Variants in UBN2 observed in about 807,000 individuals in gnomAD.
The protein encoded by UBN2 is ubinuclein-2.
In UBN2, 35 loss-of-function variants were observed where a neutral mutation model predicts 120.2. That is an observed-to-expected ratio of 0.29 (90% CI 0.22 to 0.39). The LOEUF (loss-of-function observed/expected upper bound fraction) is 0.39, where lower values mean the gene tolerates loss of function less well. UBN2 is among the 10% of genes least tolerant of loss of function. The pLI is 1.00. For synonymous variants in UBN2, 661 were observed against 648.7 expected (o/e 1.02, Z -0.29); for missense variants, 1,693 against 1,663.2 (o/e 1.02, Z -0.31).
rs185649356 is a variant in UBN2 at position 139,272,590 on chromosome 7, G to A, written c.1715+150G>A. The stretch of plus-strand genomic sequence containing the variant: ...TGCCCAGGCTGGAGTGGAATGGTAC[G>A]ATTTCGGCTCAGTACAACCTCCGCC... On this transcript the variant is annotated intron_variant, in intron 9 of 17. Coordinates refer to ENST00000473989, the MANE Select transcript of UBN2 (RefSeq NM_173569.4). The A allele has an allele frequency of 9.2e-4, 548 of 596,328 alleles. 5 individuals are homozygous for A. Among genetic ancestry groups the A allele is most frequent in the Non-Finnish European group, 9.4e-5 (34 of 361,580 alleles). 36.9% of individuals were successfully genotyped at this position (596,328 alleles called of 1,614,324 possible). A position where few individuals can be genotyped will look rare whatever the true frequency, so the allele number is the denominator to read the frequency against.
At chr7:139,254,279 T>G (rs1038467451) in intron 3 of UBN2, among the ~76,000 whole-genome samples, 1 of 151,696 alleles carries the variant, frequency 6.6e-6, no homozygotes, top group African/African-American at 2.4e-5. Context: ...GGCAACAGAG[T>G]GAGACTCCGT....
rs182179365 is a variant in UBN2, at chr7:139,300,121, A to G, written c.*2285A>G. On this transcript the variant is annotated 3_prime_UTR_variant, in exon 18 of 18. Coordinates refer to ENST00000473989, the MANE Select transcript of UBN2 (RefSeq NM_173569.4). Reference sequence around the variant, plus strand: ...ATCATTAGAAAAGAACAAGATAATCAGTTCTTTTCCCTGTAACATTTTATA... The same window carrying G: ...ATCATTAGAAAAGAACAAGATAATCGGTTCTTTTCCCTGTAACATTTTATA... The G allele has an allele frequency of 1.3e-3, 196 of 152,278 alleles. 2 individuals carry two copies. Among genetic ancestry groups the G allele is most frequent in the African/African-American group, 4.6e-3 (191 of 41,552 alleles). The allele number at this position is 152,278 out of a possible 1,614,324, so 9.4% of individuals were successfully genotyped here. A position where few individuals can be genotyped will look rare whatever the true frequency, so the allele number is the denominator to read the frequency against.
Position 139,261,671 on chromosome 7 carries a change from C to T in UBN2, c.1325C>T (p.Pro442Leu). The T allele has an allele frequency of 6.2e-7, 1 of 1,614,128 alleles. No individual in the cohort carries two copies. Among genetic ancestry groups the T allele is most frequent in the South Asian group, 1.1e-5 (1 of 91,080 alleles). ...TQPTYTSQVM[P>L]KVVPTLPEGL... Reference sequence around the variant, plus strand: ...CCAACCTACACTTCTCAGGTTATGCCCAAAGTGGTACCTACACTCCCAGAG... The same window carrying T: ...CCAACCTACACTTCTCAGGTTATGCTCAAAGTGGTACCTACACTCCCAGAG... The change falls in exon 6 of 18, where the codon CCC becomes CTC. Residue 442 changes from proline to leucine, a missense_variant. Pro to Leu is a moderately conservative substitution (Grantham distance 98, BLOSUM62 -3). This residue lies in a region of UBN2 where 663 missense variants were observed against 591.2 expected (regional missense o/e 1.12). Transcript: ENST00000473989.
chr7:139,309,105 C>T (rs746922882), downstream of UBN2, among the ~76,000 whole-genome samples: 14 of 151,870 alleles, frequency 9.2e-5, no homozygotes, highest in Non-Finnish European at 1.8e-4. Context: ...GGTGGGAGAA[C>T]GATGAAGAGA....
At chr7:139,232,426 T>G (rs1796051778) in intron 1 of UBN2, among the ~76,000 whole-genome samples, 1 of 152,154 alleles carries the variant, frequency 6.6e-6, no homozygotes, top group South Asian at 2.1e-4. Context: ...TCCTCATCAC[T>G]GTTTGTTTTG....
intron 3 of UBN2, among the ~76,000 whole-genome samples, chr7:139,255,064 G>T (rs1012283215): frequency 6.6e-6 from 1 of 152,188 alleles, no homozygotes; most frequent in Non-Finnish European, 1.5e-5. Context: ...ACACAGAAGT[G>T]TAGTTTTGCT....
intron 6 of UBN2, among the ~76,000 whole-genome samples, 191 bp downstream of exon 6, chr7:139,261,932 TTTTC>T (rs1468100851): frequency 1.4e-4 from 21 of 150,904 alleles, no homozygotes; most frequent in South Asian, 6.2e-4. Flanking sequence ...GACCTTTCTT[TTTTC>T]TTTCTTTCTT....
chr7:139,292,619 A>G (rs1415004273), intron 15 of UBN2, among the ~76,000 whole-genome samples: 1 of 152,228 alleles, frequency 6.6e-6, no homozygotes, highest in East Asian at 1.9e-4. Context: ...AAGAGCTAGA[A>G]TAACAGTGTG....
At chr7:139,269,300 A>C in intron 7 of UBN2, 94 bp from the exon 8 acceptor site, 1 of 1,295,630 alleles carries the variant, frequency 7.7e-7, no homozygotes, top group Admixed American at 2.5e-5. Flanking sequence ...TGAAAAGATA[A>C]AATGAGAACA....
intron 7 of UBN2, among the ~76,000 whole-genome samples, chr7:139,269,171 TGC>T (rs1335066499): frequency 6.6e-6 from 1 of 152,134 alleles, no homozygotes; most frequent in African/African-American, 2.4e-5. Flanking sequence ...ACTGCACCAT[TGC>T]ACTCCAACCT....
chr7:139,320,791 G>A, the UBN2 span, among the ~76,000 whole-genome samples: 6 of 151,944 alleles, frequency 3.9e-5, no homozygotes, highest in Middle Eastern at 6.8e-3. Flanking sequence ...GGGAGGCGGA[G>A]GTTGCAGTGA....
chr7:139,269,384 T>C lies in UBN2; in HGVS notation c.1467-10T>C. ...CTATACTGTTCATTGTTGTTAACTT[T>C]TTTGGCCAGCATTGAGTTACAGCTA... On this transcript the variant is annotated splice_polypyrimidine_tract_variant and intron_variant, in intron 7 of 17. Coordinates refer to ENST00000473989, the MANE Select transcript of UBN2 (RefSeq NM_173569.4). 2 of 1,612,974 alleles carry C rather than the reference T, an allele frequency of 1.2e-6. No individual in the cohort carries two copies. Among genetic ancestry groups the C allele is most frequent in the Non-Finnish European group, 1.7e-6 (2 of 1,179,674 alleles).
chr7:139,231,805 C>T lies in UBN2; in HGVS notation c.321C>T (p.Pro107=), dbSNP rs1222429541. ...TCCCGCCGCTGCCCTTGCAGCCGCC[C>T]CCGCCGCGGGAGTCGGCTTCCCGGG... is the stretch of plus-strand genomic sequence containing the variant. ...PPFPPLPLQP[P]PPRESASRAE... is the part of the protein sequence containing the mutation. Residue 107 remains proline, a synonymous_variant, in exon 1 of 18, where the codon CCC becomes CCT. Coordinates refer to ENST00000473989, the MANE Select transcript of UBN2 (RefSeq NM_173569.4). 12 of 1,431,352 alleles carry T rather than the reference C, an allele frequency of 8.4e-6. No homozygotes were observed. The highest frequency in any genetic ancestry group is 1.0e-5 in the Non-Finnish European group (11 of 1,092,084). The allele number at this position is 1,431,352 out of a possible 1,614,324, so 88.7% of individuals were successfully genotyped here.
At chr7:139,266,488 A>G in intron 7 of UBN2, 85 bp downstream of exon 7, 1 of 725,556 alleles carries the variant, frequency 1.4e-6, no homozygotes, top group East Asian at 2.8e-5. Flanking sequence ...AGTGGTTGGC[A>G]AGTCTTGGGC....
At chr7:139,317,956 C>T in the UBN2 span, among the ~76,000 whole-genome samples, 28 of 152,302 alleles carry the variant, frequency 1.8e-4, no homozygotes, top group Middle Eastern at 6.8e-3. Context: ...AGCCACCGCA[C>T]GCAGCCCAAC....
intron 9 of UBN2, 106 bp from the exon 10 acceptor site, chr7:139,273,191 C>A: frequency 1.6e-6 from 1 of 612,580 alleles, no homozygotes; most frequent in Admixed American, 3.4e-5. Flanking sequence ...CGTCTTTACC[C>A]TCTCTTTTAA....
intron 12 of UBN2, chr7:139,277,074 A>C (rs893580429): frequency 3.3e-5 from 5 of 150,496 alleles, no homozygotes; most frequent in Non-Finnish European, 4.4e-5. Context: ...GAAAAAAAAA[A>C]GGGGGGGGTT....
In UBN2 at chr7:139,269,458, G is replaced by A. The variant is rs765344805; in HGVS notation, c.1531G>A (p.Ala511Thr). Reference sequence around the variant, plus strand: ...CAGTGGTGTCTACTCCCACCTTGAAGCTTTTGTGCCATGCAATAAAGAAAC... The same window carrying A: ...CAGTGGTGTCTACTCCCACCTTGAAACTTTTGTGCCATGCAATAAAGAAAC... ...IRSGVYSHLEAFVPCNKETLV... is the reference protein window; with the variant it reads ...IRSGVYSHLETFVPCNKETLV... Residue 511 changes from alanine (A) to threonine (T), a missense_variant, in exon 8 of 18, where the codon GCT becomes ACT. Physicochemically the swap from Ala to Thr is moderately conservative, Grantham distance 58. Transcript: ENST00000473989. 1 of 1,614,102 alleles carries A rather than the reference G, an allele frequency of 6.2e-7. No individual in the cohort carries two copies. The highest frequency in any genetic ancestry group is 8.5e-7 in the Non-Finnish European group (1 of 1,180,014).
chr7:139,274,867 C>A (rs1035266936), intron 11 of UBN2, among the ~76,000 whole-genome samples: 3 of 152,098 alleles, frequency 2.0e-5, no homozygotes, highest in African/African-American at 7.2e-5. Context: ...GTGGGAGGAT[C>A]ACTTTGAGCC....
Sources: gnomAD v4.1 joint callset for allele counts (sites outside exome capture counted in the v4.1 genomes callset) on GRCh38, gnomAD v4.1.1 for gene constraint, gnomAD v4.1.1 regional missense constraint, MANE v1.5 for transcripts, NCBI Gene and HGNC (gene_info 2026-07-23, HGNC 2026-07-21) for gene names.